Variants in ZNF385D observed in about 807,000 individuals in gnomAD.
The protein encoded by ZNF385D is zinc finger protein 659.
A neutral mutation model predicts 35.8 loss-of-function variants in ZNF385D; 15 were observed. The observed-to-expected ratio is 0.42, with a 90% CI of 0.28 to 0.64. ZNF385D has a LOEUF of 0.64. Ranked by LOEUF, ZNF385D falls within the 30% of genes least tolerant of loss-of-function variation. The probability of loss-of-function intolerance (pLI) is 0.23; values close to 1 mark genes in which losing one functional copy is unlikely to be tolerated. For missense variants in ZNF385D, 474 were observed against 494.6 expected, an observed-to-expected ratio of 0.96 and a Z score of 0.39; for synonymous variants, 212 against 186.8, an observed-to-expected ratio of 1.13 and a Z score of -1.10.
rs114385082 is a variant in ZNF385D at position 21,748,500 on chromosome 3, C to T, written c.22+2395G>A. Reference sequence around the variant, plus strand: ...AATATCCCGCTTTCATATCAATTCACCCGTACCATAGCATCACCATGCTCT... The same window carrying T: ...AATATCCCGCTTTCATATCAATTCATCCGTACCATAGCATCACCATGCTCT... On this transcript the variant is annotated intron_variant, in intron 1 of 7. Transcript: ENST00000281523. 7.7e-3 allele frequency among the ~76,000 whole-genome samples: 1,172 copies of T among 152,262 alleles called. 23 individuals carry two copies. Among genetic ancestry groups the T allele is most frequent in the Non-Finnish European group, 0.011 (755 of 68,018 alleles).
At chr3:21,460,750 A>G (rs748932001) in intron 4 of ZNF385D, among the ~76,000 whole-genome samples, 17 of 152,262 alleles carry the variant, frequency 1.1e-4, no homozygotes, top group Non-Finnish European at 1.6e-4. Context: ...CTCCAAAATT[A>G]ATGGTTTTCT....
intron 3 of ZNF385D, among the ~76,000 whole-genome samples, chr3:22,153,695 C>A (rs1705410751): frequency 6.6e-6 from 1 of 151,976 alleles, no homozygotes; most frequent in African/African-American, 2.4e-5. Flanking sequence ...AACTCCTGAC[C>A]TCAAGTGATC....
At chr3:21,889,098 T>C (rs550555789) in intron 3 of ZNF385D, among the ~76,000 whole-genome samples, 3 of 152,298 alleles carry the variant, frequency 2.0e-5, no homozygotes, top group South Asian at 4.1e-4. Context: ...AAGAACAGTT[T>C]AGGGGATGCA....
At chr3:21,433,566 G>A (rs1264014313) in intron 5 of ZNF385D, among the ~76,000 whole-genome samples, 1 of 152,118 alleles carries the variant, frequency 6.6e-6, no homozygotes, top group Non-Finnish European at 1.5e-5. Flanking sequence ...CTATTAGAGG[G>A]GCAGGGCTAA....
At chr3:22,368,833 C>A (rs1279395190) in intron 2 of ZNF385D, among the ~76,000 whole-genome samples, 1 of 152,134 alleles carries the variant, frequency 6.6e-6, no homozygotes, top group African/African-American at 2.4e-5. Context: ...AACATTCAAT[C>A]CATAGCAGGA....
intron 3 of ZNF385D, among the ~76,000 whole-genome samples, chr3:22,101,664 G>A (rs1302296222): frequency 1.3e-5 from 2 of 151,548 alleles, no homozygotes; most frequent in Non-Finnish European, 2.9e-5. Flanking sequence ...ATAGGGGCAT[G>A]TACGTTTTGC....
chr3:21,809,661 T>TATACACTATAC (rs1553672106), intron 3 of ZNF385D, among the ~76,000 whole-genome samples: 1 of 148,160 alleles, frequency 6.7e-6, no homozygotes, highest in African/African-American at 2.5e-5. Context: ...CATATACATA[T>TATACACTATAC]ATACACATAT....
intron 3 of ZNF385D, among the ~76,000 whole-genome samples, chr3:22,039,805 G>A (rs568113392): frequency 6.6e-6 from 1 of 152,174 alleles, no homozygotes; most frequent in Non-Finnish European, 1.5e-5. Flanking sequence ...TTTCCTGGAT[G>A]TCTTTCTTCT....
intron 2 of ZNF385D, among the ~76,000 whole-genome samples, chr3:22,262,882 T>C (rs575700026): frequency 1.3e-5 from 2 of 152,048 alleles, no homozygotes; most frequent in South Asian, 4.2e-4. Flanking sequence ...CAGATCTTTC[T>C]CATATTAGAA....
rs201640103 is a variant in ZNF385D at position 21,418,012 on chromosome 3, A to G, written c.*3202T>C. Reference sequence around the variant, plus strand: ...TGAGGTCCAGTGAGAGGAGCAATTTATCATGTGTAATTGCCTGTTTTCTCA... The same window carrying G: ...TGAGGTCCAGTGAGAGGAGCAATTTGTCATGTGTAATTGCCTGTTTTCTCA... On this transcript the variant is annotated 3_prime_UTR_variant, in exon 8 of 8. Coordinates refer to ENST00000281523, the MANE Select transcript of ZNF385D (RefSeq NM_024697.3). 2.6e-5 allele frequency: 4 copies of G among 152,200 alleles called. No homozygotes were observed. The highest frequency in any genetic ancestry group is 4.4e-5 in the Non-Finnish European group (3 of 68,018). 9.4% of individuals were successfully genotyped at this position (152,200 alleles called of 1,614,324 possible). A position where few individuals can be genotyped will look rare whatever the true frequency, so the allele number is the denominator to read the frequency against.
At chr3:21,988,463 C>A (rs972977478) in intron 3 of ZNF385D, among the ~76,000 whole-genome samples, 2 of 137,730 alleles carry the variant, frequency 1.5e-5, no homozygotes, top group East Asian at 2.2e-4. Context: ...TGGGGGGTGC[C>A]TCCCAGTTAG....
intron 3 of ZNF385D, among the ~76,000 whole-genome samples, chr3:21,820,469 G>A (rs76752718): frequency 6.6e-6 from 1 of 151,732 alleles, no homozygotes; most frequent in Non-Finnish European, 1.5e-5. Context: ...TCAGATCCGA[G>A]AGGAAAATTT....
intron 2 of ZNF385D, among the ~76,000 whole-genome samples, chr3:22,218,882 G>A (rs1360721407): frequency 1.3e-5 from 2 of 152,002 alleles, no homozygotes; most frequent in Admixed American, 6.6e-5. Flanking sequence ...CATTACTAGA[G>A]GGCTCACTTT....
At chr3:21,533,098 C>T (rs1006282563) in intron 3 of ZNF385D, among the ~76,000 whole-genome samples, 1 of 152,156 alleles carries the variant, frequency 6.6e-6, no homozygotes, top group South Asian at 2.1e-4. Context: ...GGCCACAAGC[C>T]ATCACAGGTC....
chr3:22,318,063 G>GA (rs111562534), intron 2 of ZNF385D, among the ~76,000 whole-genome samples: 5,900 of 135,826 alleles, frequency 0.043, 288 homozygotes, highest in African/African-American at 0.13. Context: ...GTTTCAAAAA[G>GA]AAAAAAAAAA....
intron 4 of ZNF385D, among the ~76,000 whole-genome samples, chr3:21,496,475 CAT>C (rs142860913): frequency 8.4e-6 from 1 of 118,384 alleles, no homozygotes; most frequent in African/African-American, 3.0e-5. Context: ...CATATATATA[CAT>C]ATATACACAT....
intron 3 of ZNF385D, among the ~76,000 whole-genome samples, chr3:21,781,814 G>T (rs943845799): frequency 6.4e-5 from 9 of 140,588 alleles, no homozygotes; most frequent in Non-Finnish European, 1.4e-4. Context: ...GTAGATTTCT[G>T]GCCCATAGGT....
chr3:22,224,677 G>C (rs780146458), intron 2 of ZNF385D, among the ~76,000 whole-genome samples: 6 of 152,250 alleles, frequency 3.9e-5, no homozygotes, highest in Admixed American at 6.5e-5. Flanking sequence ...GCAGGTTATT[G>C]CAAGATCCAA....
intron 4 of ZNF385D, 32 bp downstream of exon 4, chr3:21,510,829 G>A (rs777604553): frequency 5.1e-5 from 82 of 1,609,710 alleles, no homozygotes; most frequent in Middle Eastern, 1.6e-4. Context: ...CGACGACGAC[G>A]AGGACAACAA....
Sources: gnomAD v4.1 joint callset for allele counts (sites outside exome capture counted in the v4.1 genomes callset) on GRCh38, gnomAD v4.1.1 for gene constraint, MANE v1.5 for transcripts, NCBI Gene and HGNC (gene_info 2026-07-23, HGNC 2026-07-21) for gene names.